Variants in HELLS observed in about 807,000 individuals in gnomAD.
HELLS encodes the protein lymphoid-specific helicase.
Under a neutral mutation model 120.0 loss-of-function variants are expected in HELLS, and 32 were observed. That is an observed-to-expected ratio of 0.27 (90% CI 0.20 to 0.36). The LOEUF is 0.36. HELLS is among the 10% of genes least tolerant of loss of function. The probability of loss-of-function intolerance (pLI) is 1.00; values close to 1 mark genes in which losing one functional copy is unlikely to be tolerated. For missense variants in HELLS, 650 were observed against 993.4 expected (o/e 0.65, Z 4.65); for synonymous variants, 341 against 323.4 (o/e 1.05, Z -0.58).
rs530850021 is a variant in HELLS at position 94,592,638 on chromosome 10, G to A, written c.1971+124G>A. ...GATAGAAATGACCAGAAACCCTGTG[G>A]TTTTATCAAAAACAAACATTTTGAT... On this transcript the variant is annotated intron_variant, in intron 17 of 21. Coordinates refer to ENST00000348459, the MANE Select transcript of HELLS (RefSeq NM_018063.5). 5.5e-4 allele frequency: 339 copies of A among 617,004 alleles called. No homozygotes were observed. The African/African-American group carries it at 5.7e-3, about 10-fold the overall frequency. 38.2% of individuals were successfully genotyped at this position (617,004 alleles called of 1,614,324 possible).
chr10:94,553,748 A>G (rs900610935), intron 2 of HELLS, among the ~76,000 whole-genome samples: 17 of 151,504 alleles, frequency 1.1e-4, no homozygotes, highest in Non-Finnish European at 2.1e-4. Flanking sequence ...GGGTTTCTCC[A>G]TGTTGGTCCG....
intron 12 of HELLS, 80 bp from the exon 13 acceptor site, chr10:94,588,149 A>G: frequency 1.4e-6 from 1 of 712,198 alleles, no homozygotes; most frequent in Non-Finnish European, 2.2e-6. Context: ...AGATAAGGTA[A>G]AGGAGTATAT....
chr10:94,597,006 C>G (rs369597228), intron 20 of HELLS, 29 bp from the exon 21 acceptor site: 5 of 1,470,730 alleles, frequency 3.4e-6, no homozygotes, highest in Non-Finnish European at 4.7e-6. Context: ...GAATTATTCA[C>G]ATAGACTTGA....
intron 2 of HELLS, among the ~76,000 whole-genome samples, chr10:94,547,474 G>A (rs753718860): frequency 6.6e-6 from 1 of 152,058 alleles, no homozygotes; most frequent in African/African-American, 2.4e-5. Flanking sequence ...GAGTAATGAG[G>A]CCGTTGGTTC....
Position 94,548,951 on chromosome 10 carries a change from A to G in HELLS, c.153+2453A>G, listed in dbSNP as rs181014080. On this transcript the variant is annotated intron_variant, in intron 2 of 21. Coordinates refer to ENST00000348459, the MANE Select transcript of HELLS (RefSeq NM_018063.5). ...AGAGGTTGCAGTGAGCCGAGATGGCATCACTGCACTCCAGCCTGGGTGACA... is the reference window on the plus strand; with the variant it reads ...AGAGGTTGCAGTGAGCCGAGATGGCGTCACTGCACTCCAGCCTGGGTGACA... Among the ~76,000 whole-genome samples the G allele has an allele frequency of 6.1e-3, 921 of 151,890 alleles. 10 individuals carry two copies. Among genetic ancestry groups the G allele is most frequent in the Non-Finnish European group, 0.011 (742 of 67,892 alleles).
At chr10:94,613,366 A>G (rs1846213153) in exon 10 of HELLS, 1 of 152,180 alleles carries the variant, frequency 6.6e-6, no homozygotes. Context: ...ATCTCCCAGA[A>G]TCAGCTTTTA....
chr10:94,598,353 G>A (rs143518197), intron 21 of HELLS, among the ~76,000 whole-genome samples: 1 of 152,252 alleles, frequency 6.6e-6, no homozygotes, highest in African/African-American at 2.4e-5. Flanking sequence ...GAATGCAGGA[G>A]TGCGACTATA....
At chr10:94,576,844 A>G in intron 10 of HELLS, 39 bp downstream of exon 10, 1 of 1,527,632 alleles carries the variant, frequency 6.5e-7, no homozygotes, top group Admixed American at 2.1e-5. Flanking sequence ...TAATACATAA[A>G]ACATGCTTTT....
At chr10:94,604,941 C>T (rs1564623776), downstream of HELLS, among the ~76,000 whole-genome samples, 1 of 152,090 alleles carries the variant, frequency 6.6e-6, no homozygotes, top group Non-Finnish European at 1.5e-5. Flanking sequence ...CCCATCACCT[C>T]TACTCCCTGG....
At chr10:94,581,264 T>A in intron 10 of HELLS, 62 bp from the exon 11 acceptor site, 2 of 1,032,952 alleles carry the variant, frequency 1.9e-6, no homozygotes. Context: ...ATTTTTAGAA[T>A]TCTTGTTAGA....
intron 2 of HELLS, among the ~76,000 whole-genome samples, chr10:94,552,305 T>C (rs541607426): frequency 7.2e-5 from 11 of 152,238 alleles, no homozygotes; most frequent in Non-Finnish European, 1.3e-4. Flanking sequence ...TTTTTAATTC[T>C]AAAGTTAACT....
At chr10:94,573,880 G>A in intron 7 of HELLS, 80 bp from the exon 8 acceptor site, 1 of 768,254 alleles carries the variant, frequency 1.3e-6, no homozygotes, top group Non-Finnish European at 2.2e-6. Flanking sequence ...AGTAGATTTT[G>A]TTAGTTGCAT....
downstream of HELLS, among the ~76,000 whole-genome samples, chr10:94,605,163 A>C (rs562278700): frequency 3.6e-4 from 51 of 141,202 alleles, no homozygotes; most frequent in African/African-American, 1.3e-3. Context: ...GCTCACTGCA[A>C]CCTCTGTCTC....
intron 6 of HELLS, among the ~76,000 whole-genome samples, chr10:94,568,524 C>T (rs910309209): frequency 1.3e-5 from 2 of 152,150 alleles, no homozygotes; most frequent in African/African-American, 4.8e-5. Flanking sequence ...TATGCCCTTA[C>T]TGTGCCCTAT....
At chr10:94,605,932 C>T (rs1302188013), downstream of HELLS, among the ~76,000 whole-genome samples, 7 of 152,002 alleles carry the variant, frequency 4.6e-5, no homozygotes, top group Admixed American at 6.5e-5. Flanking sequence ...GCACCTGGCC[C>T]GAATGCTGCT....
At chr10:94,613,206 A>G (rs1373088636) in exon 10 of HELLS, 3 of 152,176 alleles carry the variant, frequency 2.0e-5, no homozygotes, top group African/African-American at 7.2e-5. Flanking sequence ...TTGAGTACCC[A>G]TTTCCTCACA....
intron 12 of HELLS, among the ~76,000 whole-genome samples, chr10:94,584,465 T>C (rs997102777): frequency 6.6e-6 from 1 of 152,098 alleles, no homozygotes; most frequent in African/African-American, 2.4e-5. Flanking sequence ...CTTTTAAATG[T>C]CCCAGTCTGA....
intron 4 of HELLS, among the ~76,000 whole-genome samples, chr10:94,561,584 G>A (rs1269411396): frequency 1.3e-5 from 2 of 152,086 alleles, no homozygotes; most frequent in Non-Finnish European, 2.9e-5. Context: ...TCCCACCTCA[G>A]CCTCCTGAGT....
At chr10:94,590,843 AC>A (rs1845451210) in intron 15 of HELLS, 67 bp downstream of exon 15, 2 of 874,018 alleles carry the variant, frequency 2.3e-6, no homozygotes, top group Non-Finnish European at 3.4e-6. Context: ...GGAAAGTGTT[AC>A]TTTTTTTGAT....
Sources: allele counts gnomAD v4.1 joint callset (sites outside exome capture counted in the v4.1 genomes callset), GRCh38; gene constraint gnomAD v4.1.1; transcripts MANE v1.5; gene names NCBI Gene and HGNC (gene_info 2026-07-23, HGNC 2026-07-21).